Variants in AKAP19 observed in about 807,000 individuals in gnomAD.
The protein encoded by AKAP19 is small A-kinase anchoring protein.
chr2:190,090,324 C>G, the AKAP19 span, among the ~76,000 whole-genome samples: 2 of 152,308 alleles, frequency 1.3e-5, no homozygotes, highest in East Asian at 3.9e-4. Context: ...TGTATGACTG[C>G]TGAGACTAGG....
the AKAP19 span, chr2:189,930,666 A>G: frequency 3.2e-6 from 1 of 314,550 alleles, no homozygotes; most frequent in South Asian, 3.7e-5. Context: ...ACAAGAAGGA[A>G]ACTCCCTCTC....
chr2:189,931,185 TGGTGGTTTGTGAAA>T, the AKAP19 span, among the ~76,000 whole-genome samples: 1 of 22,934 alleles, frequency 4.4e-5, no homozygotes, highest in Non-Finnish European at 1.0e-3. Context: ...GAAACAGTTA[TGGTGGTTTGTGAAA>T]TGGTGGTTTT....
the AKAP19 span, among the ~76,000 whole-genome samples, chr2:190,065,317 TGATA>T: frequency 6.6e-6 from 1 of 152,112 alleles, no homozygotes; most frequent in Non-Finnish European, 1.5e-5. Context: ...AGTTACTGTG[TGATA>T]GATACAGAGT....
At chr2:190,164,614 AT>A in the AKAP19 span, among the ~76,000 whole-genome samples, 14 of 152,238 alleles carry the variant, frequency 9.2e-5, no homozygotes, top group African/African-American at 3.1e-4. Flanking sequence ...TTGAAAATAA[AT>A]TTTTTTCAGT....
At chr2:190,004,180 G>A in the AKAP19 span, among the ~76,000 whole-genome samples, 3 of 151,738 alleles carry the variant, frequency 2.0e-5, no homozygotes, top group South Asian at 6.2e-4. Flanking sequence ...GCTAAATGAC[G>A]AGTTAATGGG....
the AKAP19 span, among the ~76,000 whole-genome samples, chr2:190,194,129 A>G: frequency 6.6e-6 from 1 of 152,150 alleles, no homozygotes; most frequent in Non-Finnish European, 1.5e-5. Context: ...TGTACTGTGT[A>G]ATGTTTTAAG....
the AKAP19 span, among the ~76,000 whole-genome samples, chr2:190,100,352 AT>A: frequency 6.6e-6 from 1 of 152,210 alleles, no homozygotes; most frequent in African/African-American, 2.4e-5. Flanking sequence ...AAGGGATCCA[AT>A]TCGTTTTTGT....
the AKAP19 span, among the ~76,000 whole-genome samples, chr2:190,024,478 A>G: frequency 4.6e-5 from 7 of 151,996 alleles, no homozygotes; most frequent in East Asian, 9.6e-4. Context: ...TCATATTTAT[A>G]TATACTCATT....
At chr2:189,930,606 G>A in the AKAP19 span, 1 of 277,724 alleles carries the variant, frequency 3.6e-6, no homozygotes, top group Non-Finnish European at 7.2e-6. Context: ...AACCTGGGAG[G>A]CAGAGGTTGC....
chr2:189,912,711 T>A, the AKAP19 span, among the ~76,000 whole-genome samples: 1 of 152,238 alleles, frequency 6.6e-6, no homozygotes, highest in African/African-American at 2.4e-5. Flanking sequence ...ACATAGTTCA[T>A]GGTAACATGT....
At chr2:190,045,961 A>C in the AKAP19 span, among the ~76,000 whole-genome samples, 2 of 152,166 alleles carry the variant, frequency 1.3e-5, no homozygotes, top group Non-Finnish European at 2.9e-5. Flanking sequence ...AGATCTCCTG[A>C]GCTGGGGGTT....
At chr2:189,880,197 C>T in the AKAP19 span, among the ~76,000 whole-genome samples, 1 of 152,084 alleles carries the variant, frequency 6.6e-6, no homozygotes, top group Admixed American at 6.6e-5. Flanking sequence ...CAAATTCTTA[C>T]CTGTTTTATT....
At chr2:190,092,069 G>A in the AKAP19 span, among the ~76,000 whole-genome samples, 421 of 151,944 alleles carry the variant, frequency 2.8e-3, no homozygotes, top group African/African-American at 9.5e-3. Context: ...TTAATATATG[G>A]CAATTTATTT....
chr2:190,175,608 G>T, the AKAP19 span, among the ~76,000 whole-genome samples: 521 of 152,252 alleles, frequency 3.4e-3, no homozygotes, highest in African/African-American at 0.012. Context: ...AAAAACTAAA[G>T]AATTTTTTTC....
At chr2:190,060,493 T>C in the AKAP19 span, 34 of 1,472,908 alleles carry the variant, frequency 2.3e-5, no homozygotes, top group Non-Finnish European at 3.1e-5. Flanking sequence ...ACAAAACCCC[T>C]CCATATTAAT....
At chr2:189,987,667 G>T in the AKAP19 span, among the ~76,000 whole-genome samples, 1 of 152,210 alleles carries the variant, frequency 6.6e-6, no homozygotes, top group African/African-American at 2.4e-5. Flanking sequence ...CCATAAGTAA[G>T]GGGATTTTTC....
chr2:190,111,870 T>G, the AKAP19 span, among the ~76,000 whole-genome samples: 1 of 152,170 alleles, frequency 6.6e-6, no homozygotes, highest in African/African-American at 2.4e-5. Flanking sequence ...ATTATTTTAT[T>G]CAACATCATG....
the AKAP19 span, among the ~76,000 whole-genome samples, chr2:190,165,937 G>T: frequency 6.6e-6 from 1 of 152,196 alleles, no homozygotes; most frequent in East Asian, 1.9e-4. Flanking sequence ...AAAGAGCCAA[G>T]GGAACATTCC....
At chr2:190,160,247 T>C in the AKAP19 span, among the ~76,000 whole-genome samples, 1 of 152,226 alleles carries the variant, frequency 6.6e-6, no homozygotes, top group Non-Finnish European at 1.5e-5. Flanking sequence ...GGTCATTTTA[T>C]GGGCTGCTAT....
Sources: gnomAD v4.1 joint callset for allele counts (sites outside exome capture counted in the v4.1 genomes callset) on GRCh38, gnomAD v4.1.1 for gene constraint, MANE v1.5 for transcripts, NCBI Gene and HGNC (gene_info 2026-07-23, HGNC 2026-07-21) for gene names.